Variants in ITGA2 observed in about 807,000 individuals in gnomAD.
ITGA2 encodes the protein integrin alpha-2.
A neutral mutation model predicts 146.3 loss-of-function variants in ITGA2; 101 were observed. That is an observed-to-expected ratio of 0.69 (90% confidence interval 0.59 to 0.81). The LOEUF (loss-of-function observed/expected upper bound fraction) is 0.81, where lower values mean the gene tolerates loss of function less well. ITGA2 is among the 40% of genes least tolerant of loss of function. The pLI, the probability that ITGA2 is intolerant of heterozygous loss-of-function variation, is 0.00. For missense variants in ITGA2, 1,281 were observed against 1,402.7 expected, an observed-to-expected ratio of 0.91 and a Z score of 1.39; for synonymous variants, 477 against 487.1, an observed-to-expected ratio of 0.98 and a Z score of 0.27.
intron 15 of ITGA2, 107 bp from the exon 16 acceptor site, chr5:53,067,011 A>G: frequency 8.9e-7 from 1 of 1,119,780 alleles, no homozygotes; most frequent in Non-Finnish European, 1.3e-6. Flanking sequence ...GATAGAGAGT[A>G]GAGAGAAAAA....
intron 19 of ITGA2, 56 bp downstream of exon 19, chr5:53,072,751 T>G: frequency 7.4e-7 from 1 of 1,349,668 alleles, no homozygotes; most frequent in Non-Finnish European, 1.0e-6. Context: ...CATACTAGAT[T>G]ACTTTATTCA....
chr5:53,026,990 T>C, intron 2 of ITGA2, 122 bp downstream of exon 2: 2 of 792,094 alleles, frequency 2.5e-6, no homozygotes, highest in Non-Finnish European at 4.2e-6. Flanking sequence ...TCAAATATCC[T>C]TAAATGAACA....
Position 53,051,441 on chromosome 5 carries a change from A to C in ITGA2, c.661A>C (p.Arg221=), listed in dbSNP as rs541596790. ...VGLIQYANNP[R]VVFNLNTYKT... ...GTTAATTCAGTATGCCAATAATCCA[A>C]GAGTTGTGTTTAACTTGAACACATA... is the stretch of plus-strand genomic sequence containing the variant. The change falls in exon 7 of 30, where the codon AGA becomes CGA. Residue 221 remains arginine, a synonymous_variant. Transcript: ENST00000296585. 6.2e-7 allele frequency: 1 copy of C among 1,613,582 alleles called. No individual in the cohort carries two copies. Among genetic ancestry groups the C allele is most frequent in the African/African-American group, 1.3e-5 (1 of 75,026 alleles).
rs1561121576 is a variant in ITGA2, at chr5:53,048,629, C to T, written c.503-14C>T. On this transcript the variant is annotated splice_polypyrimidine_tract_variant and intron_variant, in intron 5 of 29. Coordinates refer to ENST00000296585, the MANE Select transcript of ITGA2 (RefSeq NM_002203.4). ...ACCTGTGGAAATCTGCTTCTTTCCT[C>T]TTTTCCTGTGTAGCCTGCCCTTCCC... 10 of 1,613,966 alleles carry T rather than the reference C, an allele frequency of 6.2e-6. No individual in the cohort carries two copies. Among genetic ancestry groups the T allele is most frequent in the Non-Finnish European group, 6.8e-6 (8 of 1,179,970 alleles).
At chr5:53,039,695 G>A (rs1484488706) in intron 2 of ITGA2, among the ~76,000 whole-genome samples, 3 of 137,602 alleles carry the variant, frequency 2.2e-5, no homozygotes, top group African/African-American at 8.1e-5. Context: ...AACCAAGATG[G>A]TGCCACTGCA....
intron 7 of ITGA2, among the ~76,000 whole-genome samples, chr5:53,053,534 A>T (rs1006215977): frequency 1.2e-4 from 18 of 152,228 alleles, no homozygotes; most frequent in African/African-American, 2.4e-4. Context: ...TTTTCCCTGG[A>T]AGGAGCCTGG....
intron 1 of ITGA2, among the ~76,000 whole-genome samples, chr5:53,011,736 T>TG (rs148743279): frequency 0.2 from 30,013 of 150,216 alleles, 3,081 homozygotes; most frequent in African/African-American, 0.23. Context: ...AATATGTGAG[T>TG]GGGGGGGAGT....
intron 2 of ITGA2, among the ~76,000 whole-genome samples, chr5:53,033,585 T>A (rs960282061): frequency 2.0e-5 from 3 of 151,936 alleles, no homozygotes; most frequent in Non-Finnish European, 4.4e-5. Flanking sequence ...ATATCTTATT[T>A]AATTAAATTA....
intron 2 of ITGA2, among the ~76,000 whole-genome samples, chr5:53,027,667 C>T (rs944454892): frequency 6.6e-6 from 1 of 152,220 alleles, no homozygotes; most frequent in African/African-American, 2.4e-5. Flanking sequence ...GACCTTATCT[C>T]CTTGTTGCAG....
rs781434148 is a variant in ITGA2 at position 53,094,632 on chromosome 5, T to C, written c.*4033T>C. ...TTTATGAGAAACAAAAATTAAATTG[T>C]AGTCAACAGTTAGTAGTTTTTCTCA... On this transcript the variant is annotated 3_prime_UTR_variant, in exon 30 of 30. Coordinates refer to ENST00000296585, the MANE Select transcript of ITGA2 (RefSeq NM_002203.4). 1 of 149,826 alleles carries C rather than the reference T, an allele frequency of 6.7e-6. No individual in the cohort carries two copies. The highest frequency in any genetic ancestry group is 1.5e-5 in the Non-Finnish European group (1 of 67,482). The allele number at this position is 149,826 out of a possible 1,614,324, so 9.3% of individuals were successfully genotyped here.
chr5:53,051,769 A>G (rs1199170703), intron 7 of ITGA2, among the ~76,000 whole-genome samples: 1 of 152,190 alleles, frequency 6.6e-6, no homozygotes, highest in African/African-American at 2.4e-5. Flanking sequence ...TGATTTTAGG[A>G]TATTTATAAG....
intron 10 of ITGA2, among the ~76,000 whole-genome samples, chr5:53,058,874 A>G (rs1166805191): frequency 2.6e-5 from 4 of 151,922 alleles, no homozygotes; most frequent in Non-Finnish European, 4.4e-5. Context: ...AATGTAAATG[A>G]ATCTATGCAC....
At chr5:53,021,244 A>G (rs758648594) in intron 1 of ITGA2, among the ~76,000 whole-genome samples, 32 of 152,166 alleles carry the variant, frequency 2.1e-4, no homozygotes, top group African/African-American at 7.7e-4. Flanking sequence ...AATCTTGGAC[A>G]TTCAGATAAT....
chr5:53,090,500 T>A lies in ITGA2; in HGVS notation c.3466-19T>A, dbSNP rs1350433051. 1 of 1,610,652 alleles carries A rather than the reference T, an allele frequency of 6.2e-7. No homozygotes were observed. The highest frequency in any genetic ancestry group is 8.5e-7 in the Non-Finnish European group (1 of 1,177,082). Reference sequence around the variant, plus strand: ...AATAAGCCACGGGTGGTAACATTCTTATATCATCACCTTTACAGCTCGGCT... The same window carrying A: ...AATAAGCCACGGGTGGTAACATTCTAATATCATCACCTTTACAGCTCGGCT... On this transcript the variant is annotated intron_variant, in intron 29 of 29. Coordinates refer to ENST00000296585, the MANE Select transcript of ITGA2 (RefSeq NM_002203.4).
At chr5:53,030,584 G>C (rs1743178193) in intron 2 of ITGA2, among the ~76,000 whole-genome samples, 1 of 152,232 alleles carries the variant, frequency 6.6e-6, no homozygotes, top group South Asian at 2.1e-4. Flanking sequence ...GGCCAAGCAA[G>C]TCTGTCTGGG....
intron 1 of ITGA2, among the ~76,000 whole-genome samples, chr5:52,999,572 G>C (rs192751929): frequency 5.7e-4 from 86 of 152,178 alleles, no homozygotes; most frequent in African/African-American, 1.8e-3. Context: ...AAGACACAGA[G>C]GGGCAACACA....
chr5:53,075,183 T>C (rs764431429), intron 22 of ITGA2, 38 bp from the exon 23 acceptor site: 1 of 1,606,858 alleles, frequency 6.2e-7, no homozygotes, highest in Non-Finnish European at 8.5e-7. Flanking sequence ...TAGCTTTGTA[T>C]TTCTCTTTAA....
At chr5:53,012,693 G>A (rs774345952) in intron 1 of ITGA2, among the ~76,000 whole-genome samples, 5 of 152,130 alleles carry the variant, frequency 3.3e-5, no homozygotes, top group Non-Finnish European at 7.4e-5. Flanking sequence ...TTCCACAATG[G>A]TAGAACTAAT....
intron 2 of ITGA2, among the ~76,000 whole-genome samples, chr5:53,035,494 T>C (rs1013534961): frequency 6.6e-6 from 1 of 152,142 alleles, no homozygotes; most frequent in Admixed American, 6.5e-5. Context: ...GAGGAGACAA[T>C]GTGGAAGCCT....
Sources: allele counts gnomAD v4.1 joint callset (sites outside exome capture counted in the v4.1 genomes callset), GRCh38; gene constraint gnomAD v4.1.1; transcripts MANE v1.5; gene names NCBI Gene and HGNC (gene_info 2026-07-23, HGNC 2026-07-21).